The following UHMK1 variants were observed in gnomAD, a reference collection of about 807,000 sequenced individuals.
UHMK1 encodes serine/threonine-protein kinase Kist.
A neutral mutation model predicts 44.0 loss-of-function variants in UHMK1; 18 were observed. The ratio of observed to expected loss-of-function variants is 0.41; its 90% confidence interval spans 0.28 to 0.61. The LOEUF (loss-of-function observed/expected upper bound fraction) is 0.61. Among genes scored for constraint, UHMK1 ranks in the 20% least tolerant of loss-of-function variants. UHMK1 has a pLI of 0.31. For synonymous variants in UHMK1, 231 were observed against 198.5 expected, an observed-to-expected ratio of 1.16 and a Z score of -1.38; for missense variants, 463 against 522.5, an observed-to-expected ratio of 0.89 and a Z score of 1.11.
At chr1:162,520,527 G>A (rs538043292) in intron 7 of UHMK1, among the ~76,000 whole-genome samples, 5 of 152,198 alleles carry the variant, frequency 3.3e-5, no homozygotes, top group Non-Finnish European at 7.3e-5. Context: ...GGTAGGTAGG[G>A]TGGGTTGCAC....
intron 7 of UHMK1, among the ~76,000 whole-genome samples, chr1:162,520,403 C>CATTT (rs1289265243): frequency 2.6e-5 from 4 of 152,062 alleles, no homozygotes; most frequent in African/African-American, 9.7e-5. Flanking sequence ...ATTTATTGAG[C>CATTT]ATTTATTATG....
At position 162,525,098 on chromosome 1, in the gene UHMK1, T is replaced by C. The variant is rs1202932520; in HGVS notation, c.*2548T>C. 6.6e-6 allele frequency: 1 copy of C among 152,126 alleles called. No individual in the cohort carries two copies. The highest frequency in any genetic ancestry group is 1.5e-5 in the Non-Finnish European group (1 of 68,018). The allele number at this position is 152,126 out of a possible 1,614,324, so 9.4% of individuals were successfully genotyped here. A position where few individuals can be genotyped will look rare whatever the true frequency, so the allele number is the denominator to read the frequency against. The stretch of plus-strand genomic sequence containing the variant: ...TAAAGCCAGAGAATTGAAAAAGAAA[T>C]GCCTCCTGTGATTGAAATTATTTTA... On this transcript the variant is annotated 3_prime_UTR_variant, in exon 8 of 8. Coordinates refer to ENST00000489294, the MANE Select transcript of UHMK1 (RefSeq NM_175866.5).
At chr1:162,513,384 T>G (rs144765026) in intron 6 of UHMK1, among the ~76,000 whole-genome samples, 10 of 152,366 alleles carry the variant, frequency 6.6e-5, no homozygotes, top group African/African-American at 2.4e-4. Context: ...TTTCTCCATT[T>G]TAGCTCTCTT....
chr1:162,501,522 C>T (rs1302578421), intron 3 of UHMK1, among the ~76,000 whole-genome samples: 1 of 152,152 alleles, frequency 6.6e-6, no homozygotes, highest in Admixed American at 6.5e-5. Context: ...GTCCATACTC[C>T]TCTTTTTCTA....
rs1289044312 is a variant in UHMK1 at position 162,523,635 on chromosome 1, A to G, written c.*1085A>G. 5 of 152,508 alleles carry G rather than the reference A, an allele frequency of 3.3e-5. No homozygotes were observed. Among genetic ancestry groups the G allele is most frequent in the Non-Finnish European group, 7.3e-5 (5 of 68,038 alleles). The allele number at this position is 152,508 out of a possible 1,614,324, so 9.4% of individuals were successfully genotyped here. A position where few individuals can be genotyped will look rare whatever the true frequency, so the allele number is the denominator to read the frequency against. On this transcript the variant is annotated 3_prime_UTR_variant, in exon 8 of 8. Coordinates refer to ENST00000489294, the MANE Select transcript of UHMK1 (RefSeq NM_175866.5). ...AGAATTAGATGTACAGTGAAGGGAA[A>G]AGAAAAAAAATGGGCGAAGAGAGGG... is the stretch of plus-strand genomic sequence containing the variant.
intron 4 of UHMK1, among the ~76,000 whole-genome samples, chr1:162,509,642 T>G (rs914902047): frequency 6.6e-6 from 1 of 152,190 alleles, no homozygotes; most frequent in South Asian, 2.1e-4. Flanking sequence ...ATAGGTTTTT[T>G]TTCGTATGTG....
intron 3 of UHMK1, among the ~76,000 whole-genome samples, chr1:162,502,099 A>G (rs1385660964): frequency 6.6e-6 from 1 of 152,170 alleles, no homozygotes; most frequent in Non-Finnish European, 1.5e-5. Flanking sequence ...TCACTTAAAC[A>G]GTAGCCTAAA....
chr1:162,514,782 C>T (rs1333955031), intron 6 of UHMK1, among the ~76,000 whole-genome samples: 1 of 152,170 alleles, frequency 6.6e-6, no homozygotes. Context: ...AGAGAAAAAG[C>T]AGACCTTGGG....
chr1:162,522,648 A>T lies in UHMK1; in HGVS notation c.*98A>T. 1 of 1,315,172 alleles carries T rather than the reference A, an allele frequency of 7.6e-7. No homozygotes were observed. Among genetic ancestry groups the T allele is most frequent in the Non-Finnish European group, 1.0e-6 (1 of 957,392 alleles). 81.5% of individuals were successfully genotyped at this position (1,315,172 alleles called of 1,614,324 possible). A position where few individuals can be genotyped will look rare whatever the true frequency, so the allele number is the denominator to read the frequency against. ...TACCCCCTTACCATTTTAAGAAGGT[A>T]CTTTATACATTTATTTAATCCTACT... On this transcript the variant is annotated 3_prime_UTR_variant, in exon 8 of 8. Transcript: ENST00000489294.
At chr1:162,504,402 GAC>G (rs1651394217) in intron 4 of UHMK1, among the ~76,000 whole-genome samples, 1 of 152,124 alleles carries the variant, frequency 6.6e-6, no homozygotes, top group East Asian at 1.9e-4. Flanking sequence ...TTGCCATGCT[GAC>G]ATCATATAGT....
chr1:162,515,986 G>T (rs6427675), intron 6 of UHMK1, among the ~76,000 whole-genome samples: 1 of 151,168 alleles, frequency 6.6e-6, no homozygotes, highest in Non-Finnish European at 1.5e-5. Flanking sequence ...GTGAGCCGAG[G>T]TGGCACCACT....
Position 162,498,341 on chromosome 1 carries a change from C to T in UHMK1, c.268+73C>T, listed in dbSNP as rs533528723. 1.6e-5 allele frequency: 24 copies of T among 1,493,836 alleles called. No individual in the cohort carries two copies. In the South Asian group the frequency reaches 3.1e-4, roughly 19 times the overall value. The allele number at this position is 1,493,836 out of a possible 1,614,324, so 92.5% of individuals were successfully genotyped here. ...GCACACTCTTCCTCTCGCTGTCTGG[C>T]GTTCCATCTTCCTCCCCTTCTGCGG... On this transcript the variant is annotated intron_variant, in intron 1 of 7. Transcript: ENST00000489294.
At chr1:162,503,923 C>A in intron 4 of UHMK1, 75 bp downstream of exon 4, 2 of 1,094,102 alleles carry the variant, frequency 1.8e-6, no homozygotes, top group Non-Finnish European at 2.7e-6. Context: ...TTTCTCTGAA[C>A]AGATTTATAT....
In UHMK1 at chr1:162,522,541, C is replaced by A; in HGVS notation, c.1251C>A (p.Thr417=). 1 of 1,613,776 alleles carries A rather than the reference C, an allele frequency of 6.2e-7. No homozygotes were observed. Among genetic ancestry groups the A allele is most frequent in the Non-Finnish European group, 8.5e-7 (1 of 1,179,906 alleles). The change falls in exon 8 of 8, where the codon ACC becomes ACA. Residue 417 remains threonine, a synonymous_variant. Coordinates refer to ENST00000489294, the MANE Select transcript of UHMK1 (RefSeq NM_175866.5). ...ACAAGAGGGGATATCTGTATCAAAC[C>A]TTGCTTTAATCAGTAACCTAAGGAC... ...SAYKRGYLYQ[T]LL is the part of the protein sequence containing the mutation.
chr1:162,518,434 G>C (rs1389967647), intron 7 of UHMK1, among the ~76,000 whole-genome samples: 1 of 151,366 alleles, frequency 6.6e-6, no homozygotes, highest in Non-Finnish European at 1.5e-5. Flanking sequence ...TGGTGGTTAC[G>C]CCTGTAATCC....
chr1:162,498,546 A>G (rs1175496833), intron 1 of UHMK1, among the ~76,000 whole-genome samples: 3 of 152,200 alleles, frequency 2.0e-5, no homozygotes, highest in Admixed American at 6.5e-5. Context: ...ATACAGAAAT[A>G]TCTTTTCTAG....
intron 7 of UHMK1, among the ~76,000 whole-genome samples, chr1:162,519,858 T>C (rs1404041712): frequency 1.3e-5 from 2 of 152,170 alleles, no homozygotes; most frequent in Non-Finnish European, 2.9e-5. Flanking sequence ...GCCAGATGTC[T>C]GTCCTCTAGG....
rs1006860887 is a variant in UHMK1 at position 162,522,680 on chromosome 1, C to A, written c.*130C>A. The A allele has an allele frequency of 2.9e-6, 3 of 1,049,840 alleles. No individual in the cohort carries two copies. Among genetic ancestry groups the A allele is most frequent in the African/African-American group, 1.6e-5 (1 of 61,960 alleles). The allele number at this position is 1,049,840 out of a possible 1,614,324, so 65.0% of individuals were successfully genotyped here. A position where few individuals can be genotyped will look rare whatever the true frequency, so the allele number is the denominator to read the frequency against. ...ACATTTATTTAATCCTACTAATGTG[C>A]AGCCATTGCCCAAGCAGTGACTGCG... is the stretch of plus-strand genomic sequence containing the variant. On this transcript the variant is annotated 3_prime_UTR_variant, in exon 8 of 8. Transcript: ENST00000489294.
chr1:162,522,326 A>G (rs1652087685), intron 7 of UHMK1, 78 bp from the exon 8 acceptor site: 2 of 1,477,158 alleles, frequency 1.4e-6, no homozygotes, highest in African/African-American at 1.4e-5. Context: ...GTTGATGTAT[A>G]TATATTAAAG....
Sources: allele counts gnomAD v4.1 joint callset (sites outside exome capture counted in the v4.1 genomes callset), GRCh38; gene constraint gnomAD v4.1.1; transcripts MANE v1.5; gene names NCBI Gene and HGNC (gene_info 2026-07-23, HGNC 2026-07-21).